Variants in MICALL2 observed in about 807,000 individuals in gnomAD.
MICALL2 encodes MICAL like 2, also known as MICAL-like protein 2.
MICALL2 carries 111 observed loss-of-function variants against 91.1 expected under a neutral mutation model. That is an observed-to-expected ratio of 1.22 (90% confidence interval 1.04 to 1.43). MICALL2 has a LOEUF of 1.43. MICALL2 is among the 40% of genes most tolerant of loss of function. The pLI is 0.00. For missense variants in MICALL2, 1,556 were observed against 1,236.0 expected, an observed-to-expected ratio of 1.26 and a Z score of -3.88; for synonymous variants, 694 against 525.3, an observed-to-expected ratio of 1.32 and a Z score of -4.39.
chr7:1,454,430 T>G, intron 1 of MICALL2, among the ~76,000 whole-genome samples: 1 of 113,810 alleles, frequency 8.8e-6, no homozygotes, highest in Non-Finnish European at 1.6e-5. Flanking sequence ...AGCGAGGACA[T>G]GGCCAGGCAG....
intron 9 of MICALL2, chr7:1,439,654 G>T: frequency 2.6e-6 from 1 of 380,782 alleles, no homozygotes; most frequent in Non-Finnish European, 4.6e-6. Context: ...ACGTGCACAT[G>T]CATCACACAC....
chr7:1,445,603 T>C (rs1387877852), intron 5 of MICALL2, among the ~76,000 whole-genome samples, 175 bp from the exon 6 acceptor site: 4 of 152,190 alleles, frequency 2.6e-5, no homozygotes, highest in Non-Finnish European at 5.9e-5. Flanking sequence ...TGCGGACTCC[T>C]GTGTTCCACT....
intron 15 of MICALL2, 84 bp downstream of exon 15, chr7:1,436,658 C>T (rs564020529): frequency 6.1e-5 from 61 of 1,005,670 alleles, no homozygotes; most frequent in African/African-American, 1.3e-4. Flanking sequence ...GAAAGTTCTA[C>T]GGGGCTGGCT....
At chr7:1,450,163 C>T in intron 2 of MICALL2, 77 bp downstream of exon 2, 1 of 1,154,558 alleles carries the variant, frequency 8.7e-7, no homozygotes, top group Non-Finnish European at 1.3e-6. Flanking sequence ...TGGGGGGAGT[C>T]CCTCGGTCCC....
intron 10 of MICALL2, chr7:1,438,619 A>G (rs1347683891): frequency 7.0e-7 from 1 of 1,420,376 alleles, no homozygotes; most frequent in Non-Finnish European, 9.2e-7. Context: ...AGAAGCAGAC[A>G]TTCCATCATC....
intron 1 of MICALL2, 139 bp downstream of exon 1, chr7:1,459,045 G>A: frequency 2.4e-6 from 2 of 837,418 alleles, no homozygotes; most frequent in Non-Finnish European, 3.7e-6. Flanking sequence ...ACAGCCTCGG[G>A]GGGCTGCACG....
rs900080950 is a variant in MICALL2 at position 1,437,895 on chromosome 7, C to T, written c.2397G>A (p.Met799Ile). 9.0e-6 allele frequency: 14 copies of T among 1,548,842 alleles called. No individual in the cohort carries two copies. The highest frequency in any genetic ancestry group is 2.0e-5 in the Admixed American group (1 of 50,984). ...GCCCACGGCTGGGCTCTCACTTGTA[C>T]ATCAGCTCTGACTCCTGTCTCAGCA... Reference protein sequence around the residue: ...QLLLRQESELMYKSKAQRLEE... With the variant: ...QLLLRQESELIYKSKAQRLEE... The change falls in exon 13 of 17, where the codon ATG (methionine) becomes ATA (isoleucine). Residue 799 changes from methionine to isoleucine, a missense_variant. Met to Ile is a conservative substitution (Grantham distance 10). Transcript: ENST00000297508.
chr7:1,455,371 C>T (rs771120001), intron 1 of MICALL2, among the ~76,000 whole-genome samples: 2 of 152,314 alleles, frequency 1.3e-5, no homozygotes, highest in South Asian at 2.1e-4. Flanking sequence ...GGAAACAGCG[C>T]CCGGGGGCAG....
chr7:1,449,607 T>C (rs959038228), intron 2 of MICALL2, among the ~76,000 whole-genome samples: 1 of 152,264 alleles, frequency 6.6e-6, no homozygotes, highest in Admixed American at 6.5e-5. Flanking sequence ...CAGGTATGAC[T>C]GTCTTCAGTG....
intron 1 of MICALL2, among the ~76,000 whole-genome samples, chr7:1,454,184 G>A (rs1780933454): frequency 6.6e-6 from 1 of 152,074 alleles, no homozygotes; most frequent in African/African-American, 2.4e-5. Context: ...GCGGGGGGGT[G>A]CAGGACTTGG....
At chr7:1,440,330 G>A (rs1394672606) in intron 8 of MICALL2, 4 of 622,226 alleles carry the variant, frequency 6.4e-6, no homozygotes, top group Non-Finnish European at 1.1e-5. Flanking sequence ...ACCCACACAT[G>A]GGGAGACTCC....
At position 1,452,385 on chromosome 7, in the gene MICALL2, C is replaced by G. The variant is rs1355715306; in HGVS notation, c.144-2097G>C. Among the ~76,000 whole-genome samples the G allele has an allele frequency of 1.3e-5, 2 of 152,094 alleles. No individual in the cohort carries two copies. Among genetic ancestry groups the G allele is most frequent in the African/African-American group, 4.8e-5 (2 of 41,410 alleles). ...GGGACTCTGCAGCCATGCTGGGCGT[C>G]AGCCTCAGCCCCCAGGGCTTAGGAG... On this transcript the variant is annotated intron_variant, in intron 1 of 16. Coordinates refer to ENST00000297508, the MANE Select transcript of MICALL2 (RefSeq NM_182924.4). This position sits in a 1 kb window ranked among gnomAD's most constrained non-coding sequence, Gnocchi z 6.2.
At chr7:1,442,529 C>T (rs756211851) in intron 6 of MICALL2, 45 bp from the exon 7 acceptor site, 18 of 1,501,824 alleles carry the variant, frequency 1.2e-5, no homozygotes, top group African/African-American at 8.4e-5. Context: ...GATCCAGGCG[C>T]CCTCCCACCA....
chr7:1,438,955 G>A lies in MICALL2; in HGVS notation c.2007C>T (p.Val669=). The A allele has an allele frequency of 6.2e-7, 1 of 1,602,942 alleles. No homozygotes were observed. The highest frequency in any genetic ancestry group is 8.5e-7 in the Non-Finnish European group (1 of 1,179,240). The change falls in exon 10 of 17, where the codon GTC becomes GTT. Residue 669 remains valine (V), a synonymous_variant. Transcript: ENST00000297508. ...PSPPRRRRLA[V]PASLDVCDNW... is the part of the protein sequence containing the mutation. ...TGTCACAAACGTCGAGGCTGGCAGG[G>A]ACGGCCAGTCTCCTGCGGCGGGGTG...
Position 1,448,770 on chromosome 7 carries a change from G to C in MICALL2, c.193-9C>G, listed in dbSNP as rs1193414048. The stretch of plus-strand genomic sequence containing the variant: ...TCGGCCACGCGGAAGGCCTGCGAAA[G>C]GTGGGAGGGGGTCAGCGGGGCAGCT... On this transcript the variant is annotated splice_polypyrimidine_tract_variant and intron_variant, in intron 2 of 16. Transcript: ENST00000297508. The C allele has an allele frequency of 1.2e-6, 2 of 1,611,966 alleles. No individual in the cohort carries two copies. The highest frequency in any genetic ancestry group is 1.3e-5 in the African/African-American group (1 of 74,930).
intron 1 of MICALL2, among the ~76,000 whole-genome samples, chr7:1,455,851 T>C (rs1231599134): frequency 1.3e-5 from 2 of 152,014 alleles, no homozygotes; most frequent in African/African-American, 4.8e-5. Context: ...CCTTCTGCTG[T>C]CAAGGGGTCT....
At position 1,436,881 on chromosome 7, in the gene MICALL2, AG is replaced by A. The variant is rs890978194; in HGVS notation, c.2477-26del. ...TCTGTGGGGATGGCTCGTCAGCAGG[AG>A]CCCCCCCCACCACTGCCATGCCCCT... On this transcript the variant is annotated intron_variant, in intron 14 of 16. Coordinates refer to ENST00000297508, the MANE Select transcript of MICALL2 (RefSeq NM_182924.4). 6.7e-6 allele frequency: 10 copies of A among 1,502,992 alleles called. No homozygotes were observed. In the African/African-American group the frequency reaches 7.0e-5, roughly 10 times the overall value. 93.1% of individuals were successfully genotyped at this position (1,502,992 alleles called of 1,614,324 possible).
chr7:1,439,833 A>G, intron 9 of MICALL2, 92 bp downstream of exon 9: 1 of 1,124,512 alleles, frequency 8.9e-7, no homozygotes, highest in South Asian at 2.1e-5. Context: ...ACACCCCAGG[A>G]GGTGGCACTA....
At chr7:1,444,556 G>T in intron 6 of MICALL2, 96 bp downstream of exon 6, 1 of 1,221,918 alleles carries the variant, frequency 8.2e-7, no homozygotes, top group Non-Finnish European at 1.1e-6. Flanking sequence ...CACACAGCCA[G>T]GGAGGTGCAG....
Sources: allele counts gnomAD v4.1 joint callset (sites outside exome capture counted in the v4.1 genomes callset), GRCh38; gene constraint gnomAD v4.1.1; non-coding constraint Gnocchi (gnomAD v3.1); transcripts MANE v1.5; gene names NCBI Gene and HGNC (gene_info 2026-07-23, HGNC 2026-07-21).